The following RAB11FIP4 variants were observed in gnomAD, a reference collection of about 807,000 sequenced individuals.
The protein encoded by RAB11FIP4 is rab11 family-interacting protein 4.
Under a neutral mutation model 74.3 loss-of-function variants are expected in RAB11FIP4, and 23 were observed. The ratio of observed to expected loss-of-function variants is 0.31; its 90% CI spans 0.22 to 0.44. RAB11FIP4 has a LOEUF of 0.44. RAB11FIP4 is among the 20% of genes least tolerant of loss of function. RAB11FIP4 has a pLI of 1.00. For missense variants in RAB11FIP4, 630 were observed against 863.9 expected, an observed-to-expected ratio of 0.73 and a Z score of 3.39; for synonymous variants, 360 against 359.9, an observed-to-expected ratio of 1.00 and a Z score of 0.00.
At chr17:31,524,267 G>A (rs753522040) in intron 9 of RAB11FIP4, 1 of 436,220 alleles carries the variant, frequency 2.3e-6, no homozygotes, top group Non-Finnish European at 4.2e-6. Flanking sequence ...GTCCAAGATG[G>A]GAGTGGGGAT....
chr17:31,452,163 A>G (rs1467991641), intron 3 of RAB11FIP4, among the ~76,000 whole-genome samples: 1 of 145,956 alleles, frequency 6.9e-6, no homozygotes, highest in South Asian at 2.1e-4. Context: ...TTGATCATCT[A>G]TGTGTGTCCT....
chr17:31,494,521 C>T lies in RAB11FIP4; in HGVS notation c.337-23130C>T, dbSNP rs549301668. ...AATGTCTTGCCGGGGAGTGTCATGG[C>T]CCAAACAGGAAGGTGGCAGCGGAAA... On this transcript the variant is annotated intron_variant, in intron 3 of 14. Coordinates refer to ENST00000621161, the MANE Select transcript of RAB11FIP4 (RefSeq NM_032932.6). Among the ~76,000 whole-genome samples, 50 of 152,204 alleles carry T rather than the reference C, an allele frequency of 3.3e-4. No individual in the cohort carries two copies. In the South Asian group the frequency reaches 9.3e-3, roughly 28 times the overall value.
intron 3 of RAB11FIP4, among the ~76,000 whole-genome samples, chr17:31,513,318 A>T (rs1212215654): frequency 1.3e-5 from 2 of 152,350 alleles, no homozygotes; most frequent in East Asian, 3.9e-4. Flanking sequence ...TTTATCTAAA[A>T]AACATACAAA....
chr17:31,515,751 T>C (rs2072534264), intron 3 of RAB11FIP4, among the ~76,000 whole-genome samples: 1 of 152,092 alleles, frequency 6.6e-6, no homozygotes, highest in South Asian at 2.1e-4. Flanking sequence ...ATGGGTCAGG[T>C]AGAAGCGGTG....
intron 3 of RAB11FIP4, among the ~76,000 whole-genome samples, chr17:31,463,310 G>A (rs1367961943): frequency 6.6e-6 from 1 of 152,040 alleles, no homozygotes; most frequent in African/African-American, 2.4e-5. Flanking sequence ...CCTGTAAACT[G>A]GGCACAATGG....
intron 3 of RAB11FIP4, among the ~76,000 whole-genome samples, chr17:31,499,740 T>TG (rs2072183260): frequency 6.6e-6 from 1 of 152,198 alleles, no homozygotes; most frequent in East Asian, 1.9e-4. Flanking sequence ...ACTGGCCACA[T>TG]GGTAGGCGCC....
intron 3 of RAB11FIP4, among the ~76,000 whole-genome samples, chr17:31,486,165 C>T (rs568222496): frequency 4.6e-5 from 7 of 152,056 alleles, no homozygotes; most frequent in East Asian, 3.9e-4. Flanking sequence ...ACCCAGGAGG[C>T]GGAGGTTGCA....
At chr17:31,505,979 G>T (rs957051316) in intron 3 of RAB11FIP4, among the ~76,000 whole-genome samples, 1 of 151,326 alleles carries the variant, frequency 6.6e-6, no homozygotes, top group African/African-American at 2.4e-5. Context: ...GGCATTACAG[G>T]TGTGAGCCAC....
intron 3 of RAB11FIP4, among the ~76,000 whole-genome samples, chr17:31,473,681 G>A (rs1056827409): frequency 6.6e-6 from 1 of 152,238 alleles, no homozygotes; most frequent in Non-Finnish European, 1.5e-5. Context: ...TGTAGGTGGA[G>A]GAAAGAGCCA....
rs766397463 is a variant in RAB11FIP4, at chr17:31,528,663, A to G, written c.1538A>G (p.Tyr513Cys). The change falls in exon 13 of 15, where the codon TAC (tyrosine) becomes TGC (cysteine). Residue 513 changes from tyrosine to cysteine, a missense_variant. Tyr to Cys is a radical substitution (Grantham distance 194). Coordinates refer to ENST00000621161, the MANE Select transcript of RAB11FIP4 (RefSeq NM_032932.6). Reference sequence around the variant, plus strand: ...AAGGAGCTGGAGCACCTGCAGATGTACAAGCTGGACTGCGAGCGGCCAGGC... The same window carrying G: ...AAGGAGCTGGAGCACCTGCAGATGTGCAAGCTGGACTGCGAGCGGCCAGGC... ...LRKELEHLQM[Y>C]KLDCERPGRG... The G allele has an allele frequency of 1.2e-6, 2 of 1,613,496 alleles. No homozygotes were observed. The highest frequency in any genetic ancestry group is 3.3e-5 in the Admixed American group (2 of 60,006).
At chr17:31,454,125 A>G (rs1434815511) in intron 3 of RAB11FIP4, among the ~76,000 whole-genome samples, 1 of 152,170 alleles carries the variant, frequency 6.6e-6, no homozygotes, top group Non-Finnish European at 1.5e-5. Flanking sequence ...TGGCCTGATC[A>G]CATGAAAACC....
chr17:31,430,955 G>C (rs1029365325), intron 1 of RAB11FIP4, among the ~76,000 whole-genome samples: 1 of 152,086 alleles, frequency 6.6e-6, no homozygotes, highest in Admixed American at 6.6e-5. Context: ...GTATTGGAGG[G>C]GGTGATCACT....
At chr17:31,516,998 A>C (rs2072564448) in intron 3 of RAB11FIP4, among the ~76,000 whole-genome samples, 1 of 151,774 alleles carries the variant, frequency 6.6e-6, no homozygotes, top group Admixed American at 6.6e-5. Flanking sequence ...CCCTATGCAA[A>C]CATCTGATTG....
chr17:31,482,545 C>G (rs532047001), intron 3 of RAB11FIP4, among the ~76,000 whole-genome samples: 17 of 150,736 alleles, frequency 1.1e-4, no homozygotes, highest in African/African-American at 3.9e-4. Flanking sequence ...GAGCAAAGAT[C>G]GCACCACTGC....
At chr17:31,402,247 T>A (rs1441309827) in intron 1 of RAB11FIP4, among the ~76,000 whole-genome samples, 1 of 151,734 alleles carries the variant, frequency 6.6e-6, no homozygotes, top group African/African-American at 2.4e-5. Flanking sequence ...CATCTACCAC[T>A]TCCTGAGTAT....
rs8072033 is a variant in RAB11FIP4 at position 31,492,411 on chromosome 17, G to T, written c.337-25240G>T. The stretch of plus-strand genomic sequence containing the variant: ...CCTGTTCATCCACCCCCCTGCTATG[G>T]GGTGGCTGAAGGTTGGGGTGCCCTC... On this transcript the variant is annotated intron_variant, in intron 3 of 14. Transcript: ENST00000621161. 7.3e-3 allele frequency among the ~76,000 whole-genome samples: 1,111 copies of T among 152,222 alleles called. 17 individuals carry two copies. The highest frequency in any genetic ancestry group is 0.026 in the African/African-American group (1,067 of 41,544).
chr17:31,413,863 G>A (rs910598296), intron 1 of RAB11FIP4, among the ~76,000 whole-genome samples: 3 of 152,208 alleles, frequency 2.0e-5, no homozygotes, highest in Non-Finnish European at 4.4e-5. Flanking sequence ...TTTTTTCCCC[G>A]AAGTTTAAAA....
intron 3 of RAB11FIP4, among the ~76,000 whole-genome samples, chr17:31,517,188 GTGC>G (rs2072568206): frequency 1.0e-5 from 1 of 98,996 alleles, no homozygotes; most frequent in Non-Finnish European, 2.1e-5. Context: ...CGAGGAGGCG[GTGC>G]GGGGGGGGGG....
chr17:31,440,602 C>G (rs935385371), intron 3 of RAB11FIP4, among the ~76,000 whole-genome samples: 6 of 152,166 alleles, frequency 3.9e-5, no homozygotes, highest in Non-Finnish European at 7.3e-5. Flanking sequence ...AACCCCATCT[C>G]TACTAAAAAT....
Sources: allele counts gnomAD v4.1 joint callset (sites outside exome capture counted in the v4.1 genomes callset), GRCh38; gene constraint gnomAD v4.1.1; transcripts MANE v1.5; gene names NCBI Gene and HGNC (gene_info 2026-07-23, HGNC 2026-07-21).